The following EMCN variants were observed in gnomAD, a reference collection of about 807,000 sequenced individuals.
The protein encoded by EMCN is MUC-14.
A neutral mutation model predicts 38.4 loss-of-function variants in EMCN; 37 were observed. That is an observed-to-expected ratio of 0.96 (90% CI 0.74 to 1.27). The LOEUF is 1.27. Ranked by LOEUF, EMCN falls within the 50% of genes most tolerant of loss-of-function variation. EMCN has a pLI of 0.00. For synonymous variants in EMCN, 95 were observed against 100.8 expected, an observed-to-expected ratio of 0.94 and a Z score of 0.35; for missense variants, 318 against 302.8, an observed-to-expected ratio of 1.05 and a Z score of -0.37.
intron 5 of EMCN, among the ~76,000 whole-genome samples, chr4:100,435,486 AACT>A (rs2110231396): frequency 6.6e-6 from 1 of 152,300 alleles, no homozygotes; most frequent in East Asian, 1.9e-4. Flanking sequence ...ATTCCCATTA[AACT>A]ACTATTGACA....
chr4:100,422,713 C>T (rs540513735), intron 7 of EMCN, among the ~76,000 whole-genome samples: 3 of 151,852 alleles, frequency 2.0e-5, no homozygotes, highest in Admixed American at 6.6e-5. Context: ...CTAGTCCCAT[C>T]GAGTCATCCT....
chr4:100,415,505 A>C (rs1389611361), intron 10 of EMCN, among the ~76,000 whole-genome samples: 2 of 152,200 alleles, frequency 1.3e-5, no homozygotes, highest in Non-Finnish European at 2.9e-5. Flanking sequence ...CATGATTTAC[A>C]TTTTAACTGA....
intron 3 of EMCN, among the ~76,000 whole-genome samples, chr4:100,470,591 G>A (rs973155542): frequency 5.3e-5 from 8 of 151,734 alleles, no homozygotes; most frequent in African/African-American, 7.3e-5. Context: ...ACATATGTTC[G>A]TTGCAGCACT....
At chr4:100,512,107 G>A (rs1470521849) in intron 1 of EMCN, among the ~76,000 whole-genome samples, 1 of 152,170 alleles carries the variant, frequency 6.6e-6, no homozygotes, top group Admixed American at 6.5e-5. Context: ...GTGCGTAGCT[G>A]GTTGCCATAG....
chr4:100,493,704 G>A (rs752840955), intron 1 of EMCN, among the ~76,000 whole-genome samples: 2 of 151,846 alleles, frequency 1.3e-5, no homozygotes, highest in Non-Finnish European at 2.9e-5. Flanking sequence ...TTTACACGGG[G>A]GTTGTTTCAC....
chr4:100,442,880 C>T (rs1047277473), intron 5 of EMCN, among the ~76,000 whole-genome samples: 3 of 152,132 alleles, frequency 2.0e-5, no homozygotes, highest in African/African-American at 4.8e-5. Context: ...GACAAAGTCT[C>T]ACTCTGTCAC....
Position 100,465,240 on chromosome 4 carries a change from C to CCTATCCTT in EMCN, c.376+182_376+183insAAGGATAG, listed in dbSNP as rs1190037549. 3.4e-4 allele frequency among the ~76,000 whole-genome samples: 52 copies of CCTATCCTT among 152,234 alleles called. 1 individual carries two copies. The highest frequency in any genetic ancestry group is 1.2e-3 in the African/African-American group (48 of 41,558). ...TTCCTTGTGACCCATTCCTTTGTGG[C>CCTATCCTT]TGCAGTGGGATAGGGTATCACTGTA... On this transcript the variant is annotated intron_variant, in intron 4 of 11. Coordinates refer to ENST00000296420, the MANE Select transcript of EMCN (RefSeq NM_016242.4).
intron 10 of EMCN, among the ~76,000 whole-genome samples, chr4:100,415,112 G>A (rs2110212786): frequency 6.6e-6 from 1 of 152,218 alleles, no homozygotes; most frequent in Non-Finnish European, 1.5e-5. Flanking sequence ...GGCCACGCTG[G>A]TCTCAAACTC....
chr4:100,396,871 C>A lies in EMCN; in HGVS notation c.*1542G>T, dbSNP rs1384582806. ...AGATTAAAATTAAGCATGGGCTCAA[C>A]AGTTCTAAAGTGAAAACATACATAG... On this transcript the variant is annotated 3_prime_UTR_variant, in exon 12 of 12. Coordinates refer to ENST00000296420, the MANE Select transcript of EMCN (RefSeq NM_016242.4). The A allele has an allele frequency of 1.3e-5, 2 of 151,658 alleles. No individual in the cohort carries two copies. Among genetic ancestry groups the A allele is most frequent in the Non-Finnish European group, 2.9e-5 (2 of 67,920 alleles). 9.4% of individuals were successfully genotyped at this position (151,658 alleles called of 1,614,324 possible). A position where few individuals can be genotyped will look rare whatever the true frequency, so the allele number is the denominator to read the frequency against.
At chr4:100,447,027 C>T (rs774283520) in intron 5 of EMCN, among the ~76,000 whole-genome samples, 3 of 152,140 alleles carry the variant, frequency 2.0e-5, no homozygotes, top group Non-Finnish European at 4.4e-5. Flanking sequence ...TTCCCCTGCC[C>T]AACGATCTTC....
chr4:100,406,386 G>T (rs1726392794), intron 11 of EMCN, among the ~76,000 whole-genome samples: 1 of 151,926 alleles, frequency 6.6e-6, no homozygotes, highest in Non-Finnish European at 1.5e-5. Context: ...ATTAACTTTT[G>T]TCTTAACACT....
At chr4:100,475,342 A>C (rs1728607412) in intron 2 of EMCN, among the ~76,000 whole-genome samples, 1 of 87,602 alleles carries the variant, frequency 1.1e-5, no homozygotes, top group African/African-American at 3.4e-5. Context: ...CACATTTTTC[A>C]TAATAAGTCC....
chr4:100,420,515 C>T (rs971583911), intron 8 of EMCN, among the ~76,000 whole-genome samples: 2 of 151,684 alleles, frequency 1.3e-5, no homozygotes, highest in African/African-American at 2.4e-5. Context: ...AGATAGTTTG[C>T]AATTACGGTA....
intron 3 of EMCN, among the ~76,000 whole-genome samples, chr4:100,473,284 C>T (rs922245749): frequency 1.3e-5 from 2 of 149,620 alleles, no homozygotes; most frequent in Admixed American, 6.7e-5. Flanking sequence ...TTCTCGGCCT[C>T]CCAAAGTGTT....
At chr4:100,447,120 T>C (rs1275359141) in intron 5 of EMCN, among the ~76,000 whole-genome samples, 2 of 152,180 alleles carry the variant, frequency 1.3e-5, no homozygotes, top group African/African-American at 4.8e-5. Flanking sequence ...AATGATAGCA[T>C]TTTAAATTGT....
chr4:100,414,125 C>G (rs1033682474), intron 10 of EMCN, among the ~76,000 whole-genome samples: 2 of 152,100 alleles, frequency 1.3e-5, no homozygotes, highest in Non-Finnish European at 2.9e-5. Flanking sequence ...ACCCTCCTCA[C>G]AAGGAGAGCC....
intron 11 of EMCN, among the ~76,000 whole-genome samples, chr4:100,407,917 A>G (rs1726440949): frequency 1.3e-5 from 2 of 152,090 alleles, no homozygotes; most frequent in Admixed American, 1.3e-4. Context: ...AGATTTGTTC[A>G]TTTTTGAAAA....
chr4:100,480,403 T>C (rs1363362184), intron 1 of EMCN, among the ~76,000 whole-genome samples: 2 of 152,052 alleles, frequency 1.3e-5, no homozygotes, highest in African/African-American at 4.8e-5. Context: ...TTTCACTAAA[T>C]ATTTTTACAT....
intron 1 of EMCN, among the ~76,000 whole-genome samples, chr4:100,491,438 C>G (rs1729073250): frequency 6.6e-6 from 1 of 152,102 alleles, no homozygotes; most frequent in Non-Finnish European, 1.5e-5. Context: ...AGATCAGAGG[C>G]TAAATCTGCC....
Sources: allele counts gnomAD v4.1 joint callset (sites outside exome capture counted in the v4.1 genomes callset), GRCh38; gene constraint gnomAD v4.1.1; transcripts MANE v1.5; gene names NCBI Gene and HGNC (gene_info 2026-07-23, HGNC 2026-07-21).